The following PTPRM variants were observed in gnomAD, a reference collection of about 807,000 sequenced individuals.
PTPRM encodes the protein receptor-type tyrosine-protein phosphatase mu.
In PTPRM, 47 loss-of-function variants were observed where a neutral mutation model predicts 186.7. The observed-to-expected ratio is 0.25, with a 90% CI of 0.20 to 0.32. The LOEUF is 0.32. PTPRM is among the 10% of genes least tolerant of loss of function. The pLI, the probability that PTPRM is intolerant of heterozygous loss-of-function variation, is 1.00. For missense variants in PTPRM, 1,494 were observed against 1,865.0 expected (o/e 0.80, Z 3.66); for synonymous variants, 668 against 674.9 (o/e 0.99, Z 0.16).
At chr18:7,809,969 G>C (rs898289421) in intron 2 of PTPRM, among the ~76,000 whole-genome samples, 7 of 152,178 alleles carry the variant, frequency 4.6e-5, no homozygotes, top group African/African-American at 1.7e-4. Context: ...TACATTCTTT[G>C]ACAACAGATT....
intron 2 of PTPRM, among the ~76,000 whole-genome samples, chr18:7,808,919 C>T (rs1011008535): frequency 3.9e-5 from 6 of 152,192 alleles, no homozygotes; most frequent in Admixed American, 3.9e-4. Flanking sequence ...GCACATTCCT[C>T]ATTGGAAGAA....
chr18:8,127,177 G>A (rs1033900388), intron 13 of PTPRM, among the ~76,000 whole-genome samples: 1 of 152,138 alleles, frequency 6.6e-6, no homozygotes, highest in South Asian at 2.1e-4. Flanking sequence ...AACAGAGTAA[G>A]TAGATGTGAA....
At chr18:8,102,934 G>T (rs1338242191) in intron 11 of PTPRM, among the ~76,000 whole-genome samples, 2 of 152,214 alleles carry the variant, frequency 1.3e-5, no homozygotes, top group Non-Finnish European at 2.9e-5. Flanking sequence ...CATGTTAGAA[G>T]ATATGAAAAC....
intron 22 of PTPRM, among the ~76,000 whole-genome samples, chr18:8,330,532 A>C (rs1469035001): frequency 6.6e-6 from 1 of 152,092 alleles, no homozygotes; most frequent in Non-Finnish European, 1.5e-5. Flanking sequence ...GAAAGCTTTT[A>C]TTTCTCTGGC....
At chr18:8,359,040 A>G (rs193143476) in intron 23 of PTPRM, among the ~76,000 whole-genome samples, 131 of 152,284 alleles carry the variant, frequency 8.6e-4, no homozygotes, top group Non-Finnish European at 1.7e-3. Flanking sequence ...AGCCTACCCA[A>G]TTAATCCTTT....
At chr18:7,949,927 G>T (rs1409552808) in intron 6 of PTPRM, among the ~76,000 whole-genome samples, 3 of 152,102 alleles carry the variant, frequency 2.0e-5, no homozygotes, top group African/African-American at 7.2e-5. Context: ...CCTTTAGCCG[G>T]TTTAATGGGT....
At chr18:7,652,161 A>G (rs909629971) in intron 1 of PTPRM, among the ~76,000 whole-genome samples, 4 of 152,252 alleles carry the variant, frequency 2.6e-5, no homozygotes, top group African/African-American at 9.6e-5. Context: ...AATGCTCACC[A>G]TCACTGGCCA....
At chr18:7,917,871 TCTA>T (rs374531709) in intron 4 of PTPRM, among the ~76,000 whole-genome samples, 4 of 152,284 alleles carry the variant, frequency 2.6e-5, no homozygotes, top group African/African-American at 9.6e-5. Flanking sequence ...TAACCATTAA[TCTA>T]CTCTCTATCT....
intron 7 of PTPRM, among the ~76,000 whole-genome samples, chr18:7,975,785 G>A (rs920736347): frequency 1.3e-5 from 2 of 152,296 alleles, no homozygotes; most frequent in Non-Finnish European, 1.5e-5. Flanking sequence ...TATACTCTCC[G>A]TGTATAGTAA....
intron 32 of PTPRM, among the ~76,000 whole-genome samples, chr18:8,399,277 C>T (rs560692333): frequency 1.2e-3 from 179 of 152,284 alleles, no homozygotes; most frequent in African/African-American, 4.1e-3. Flanking sequence ...AAAACCGGGT[C>T]GCTTCTGACT....
At chr18:7,569,740 T>C (rs2036523953) in intron 1 of PTPRM, among the ~76,000 whole-genome samples, 1 of 152,242 alleles carries the variant, frequency 6.6e-6, no homozygotes, top group Non-Finnish European at 1.5e-5. Context: ...CTGACCCATG[T>C]CCTTGTTAAG....
At chr18:7,828,787 T>A (rs2045616320) in intron 2 of PTPRM, among the ~76,000 whole-genome samples, 1 of 152,204 alleles carries the variant, frequency 6.6e-6, no homozygotes, top group South Asian at 2.1e-4. Flanking sequence ...CTACTGGTCC[T>A]ACAGCTGATA....
intron 20 of PTPRM, among the ~76,000 whole-genome samples, chr18:8,307,814 A>T (rs892622139): frequency 2.6e-5 from 4 of 152,060 alleles, no homozygotes; most frequent in Middle Eastern, 6.8e-3. Context: ...CAAAAAAAAA[A>T]AATAAAAATA....
At position 7,846,253 on chromosome 18, in the gene PTPRM, T is replaced by C. The variant is rs543825055; in HGVS notation, c.197-41853T>C. 3.3e-5 allele frequency among the ~76,000 whole-genome samples: 5 copies of C among 152,338 alleles called. No individual in the cohort carries two copies. The South Asian group carries it at 1.0e-3, about 32-fold the overall frequency. ...GGAAGAAGGCAAGACAAATTATTTG[T>C]ATGTGATGGTGCTAGATCCCCCATT... On this transcript the variant is annotated intron_variant, in intron 2 of 32. Coordinates refer to ENST00000580170, the MANE Select transcript of PTPRM (RefSeq NM_001105244.2).
intron 1 of PTPRM, chr18:7,741,563 C>G (rs546106654): frequency 1.4e-4 from 21 of 152,288 alleles, no homozygotes; most frequent in Non-Finnish European, 2.4e-4. Flanking sequence ...GAAAACACAT[C>G]GGTATTGGAC....
intron 2 of PTPRM, among the ~76,000 whole-genome samples, chr18:7,828,235 CTTTT>C (rs1204307953): frequency 6.7e-6 from 1 of 149,122 alleles, no homozygotes; most frequent in African/African-American, 2.5e-5. Context: ...TTTTTTTTTT[CTTTT>C]TTTATTTTTA....
chr18:7,922,643 T>C (rs1012581833), intron 4 of PTPRM, among the ~76,000 whole-genome samples: 1 of 152,188 alleles, frequency 6.6e-6, no homozygotes, highest in African/African-American at 2.4e-5. Context: ...ATCCTCATAT[T>C]TGAGTTCTTG....
intron 14 of PTPRM, among the ~76,000 whole-genome samples, chr18:8,151,017 G>A (rs551051046): frequency 2.5e-4 from 38 of 152,222 alleles, no homozygotes; most frequent in African/African-American, 9.2e-4. Context: ...ATACCAGAGG[G>A]GCAACCACGA....
At chr18:8,206,268 A>ATTTTATTTTATTTTATTTTTTTTTTTTTT (rs1238112461) in intron 14 of PTPRM, among the ~76,000 whole-genome samples, 1 of 148,988 alleles carries the variant, frequency 6.7e-6, no homozygotes, top group African/African-American at 2.6e-5. Context: ...ATTTTATTTT[A>ATTTTATTTTATTTTATTTTTTTTTTTTTT]TTTTGAGACG....
Sources: gnomAD v4.1 joint callset for allele counts (sites outside exome capture counted in the v4.1 genomes callset) on GRCh38, gnomAD v4.1.1 for gene constraint, MANE v1.5 for transcripts, NCBI Gene and HGNC (gene_info 2026-07-23, HGNC 2026-07-21) for gene names.